The following BICRAL variants were observed in gnomAD, a reference collection of about 807,000 sequenced individuals.
BICRAL encodes BICRA like chromatin remodeling complex associated protein.
Under a neutral mutation model 91.8 loss-of-function variants are expected in BICRAL, and 8 were observed. The observed-to-expected ratio is 0.09, with a 90% CI of 0.05 to 0.16. The LOEUF (loss-of-function observed/expected upper bound fraction) is 0.16, where lower values mean the gene tolerates loss of function less well. BICRAL is among the 10% of genes least tolerant of loss of function. The pLI is 1.00. For synonymous variants in BICRAL, 445 were observed against 491.1 expected (o/e 0.91, Z 1.24); for missense variants, 1,038 against 1,310.9 (o/e 0.79, Z 3.21).
At chr6:42,859,872 C>T (rs911414841) in intron 10 of BICRAL, among the ~76,000 whole-genome samples, 1 of 152,028 alleles carries the variant, frequency 6.6e-6, no homozygotes, top group African/African-American at 2.4e-5. Flanking sequence ...GTCTCCATCT[C>T]CTGACCTCGT....
Position 42,829,167 on chromosome 6 carries a change from T to C in BICRAL, c.834T>C (p.Val278=), listed in dbSNP as rs1369000817. ...NSSSSPVAQP[V]TVPFNSTNFQ... is the part of the protein sequence containing the mutation. ...GTTCCAGTCCAGTAGCACAGCCTGT[T>C]ACCGTTCCATTTAACAGCACAAATT... Residue 278 remains valine, a synonymous_variant, in exon 6 of 13, where the codon GTT becomes GTC. Coordinates refer to ENST00000314073, the MANE Select transcript of BICRAL (RefSeq NM_001393499.1). 6.2e-7 allele frequency: 1 copy of C among 1,614,166 alleles called. No homozygotes were observed.
Position 42,864,755 on chromosome 6 carries a change from G to A in BICRAL, c.2549G>A (p.Ser850Asn). Residue 850 changes from serine to asparagine, a missense_variant, in exon 13 of 13, where the codon AGC becomes AAC. By Grantham distance (46) the Ser-to-Asn change is conservative. Around this residue, in one of 5 missense-constraint regions of BICRAL, gnomAD observed 294 missense variants for 292.6 expected, o/e 1.00. Transcript: ENST00000314073. ...GRSDQHGSKA[S>N]SSLQPPAKAQ... Reference sequence around the variant, plus strand: ...AGTGACCAGCATGGCAGTAAAGCAAGCAGCTCTCTGCAACCGCCAGCCAAG... The same window carrying A: ...AGTGACCAGCATGGCAGTAAAGCAAACAGCTCTCTGCAACCGCCAGCCAAG... 1 of 1,614,174 alleles carries A rather than the reference G, an allele frequency of 6.2e-7. No individual in the cohort carries two copies. Among genetic ancestry groups the A allele is most frequent in the Non-Finnish European group, 8.5e-7 (1 of 1,180,018 alleles).
chr6:42,765,757 G>A lies in BICRAL; in HGVS notation c.-260-16082G>A, dbSNP rs115150758. On this transcript the variant is annotated intron_variant, in intron 1 of 14. Coordinates refer to the BICRAL transcript ENST00000614467. ...GATTCCTGGTGCTCTCTTGTTGGTA[G>A]CTCTACAGGCTGTCAGGGATCAAGG... 8.6e-3 allele frequency among the ~76,000 whole-genome samples: 1,314 copies of A among 152,204 alleles called. 19 individuals are homozygous for A. The highest frequency in any genetic ancestry group is 0.029 in the African/African-American group (1,198 of 41,518).
chr6:42,824,185 C>T (rs1374876681), intron 5 of BICRAL, among the ~76,000 whole-genome samples: 3 of 151,536 alleles, frequency 2.0e-5, no homozygotes, highest in Non-Finnish European at 4.4e-5. Flanking sequence ...GAGCCAAGAT[C>T]GCACCATTAC....
intron 1 of BICRAL, among the ~76,000 whole-genome samples, chr6:42,771,261 C>T (rs1029315875): frequency 6.6e-6 from 1 of 152,238 alleles, no homozygotes; most frequent in Non-Finnish European, 1.5e-5. Flanking sequence ...AAGAGGACCC[C>T]TCCCCCTGCG....
intron 1 of BICRAL, among the ~76,000 whole-genome samples, chr6:42,758,726 AAAG>A (rs1379665165): frequency 1.1e-4 from 17 of 152,042 alleles, no homozygotes; most frequent in Non-Finnish European, 1.9e-4. Flanking sequence ...AAAAAAAAAA[AAAG>A]AAAAAAGAAT....
At chr6:42,855,807 ATTCTTTT>A in intron 8 of BICRAL, 42 bp from the exon 9 acceptor site, 1 of 1,429,706 alleles carries the variant, frequency 7.0e-7, no homozygotes, top group East Asian at 2.3e-5. Flanking sequence ...GTATAACTGT[ATTCTTTT>A]TTCTATAAAA....
chr6:42,760,341 A>G (rs947320483), intron 1 of BICRAL, among the ~76,000 whole-genome samples: 2 of 150,106 alleles, frequency 1.3e-5, no homozygotes, highest in African/African-American at 4.9e-5. Context: ...CAACATGAAG[A>G]AACCCCATCT....
At chr6:42,815,406 G>C (rs563549128) in intron 2 of BICRAL, among the ~76,000 whole-genome samples, 2 of 151,822 alleles carry the variant, frequency 1.3e-5, no homozygotes, top group African/African-American at 4.8e-5. Context: ...TGGCCAGGTT[G>C]GTCTCAAACT....
chr6:42,781,596 G>GT (rs1562457230), upstream of BICRAL, among the ~76,000 whole-genome samples: 56 of 103,490 alleles, frequency 5.4e-4, no homozygotes, highest in African/African-American at 1.7e-3. Context: ...TGGGTGGGTG[G>GT]GTGTGTGTGT....
intron 1 of BICRAL, among the ~76,000 whole-genome samples, chr6:42,798,856 T>C (rs961949744): frequency 6.6e-6 from 1 of 152,230 alleles, no homozygotes; most frequent in Non-Finnish European, 1.5e-5. Context: ...AGCCAGTCAT[T>C]TCTAGAATAT....
chr6:42,816,686 G>T (rs1764003401), intron 2 of BICRAL, among the ~76,000 whole-genome samples: 1 of 151,978 alleles, frequency 6.6e-6, no homozygotes, highest in Non-Finnish European at 1.5e-5. Flanking sequence ...ACATGCATGT[G>T]GCACAAATTT....
intron 10 of BICRAL, among the ~76,000 whole-genome samples, chr6:42,857,911 G>GAC (rs1307320738): frequency 2.1e-5 from 3 of 143,372 alleles, no homozygotes; most frequent in Non-Finnish European, 4.5e-5. Flanking sequence ...AGGTTCAAGT[G>GAC]ACTCTCCCTG....
At chr6:42,784,068 C>T (rs1763029494) in intron 1 of BICRAL, among the ~76,000 whole-genome samples, 1 of 152,164 alleles carries the variant, frequency 6.6e-6, no homozygotes. Flanking sequence ...TAAAACAACC[C>T]TGAGGAGACA....
chr6:42,834,671 T>C (rs1182721003), intron 6 of BICRAL, among the ~76,000 whole-genome samples: 1 of 152,152 alleles, frequency 6.6e-6, no homozygotes, highest in East Asian at 1.9e-4. Flanking sequence ...AAAATAATTA[T>C]ACAATAATTT....
At chr6:42,848,844 A>G (rs1017391531) in intron 6 of BICRAL, among the ~76,000 whole-genome samples, 1 of 152,160 alleles carries the variant, frequency 6.6e-6, no homozygotes, top group Admixed American at 6.5e-5. Flanking sequence ...TGACAAAACA[A>G]TTAATTATAA....
chr6:42,758,802 A>G (rs988347350), intron 1 of BICRAL, among the ~76,000 whole-genome samples: 1 of 151,860 alleles, frequency 6.6e-6, no homozygotes, highest in African/African-American at 2.4e-5. Context: ...TTCTTTCTGC[A>G]GGTATTTATG....
intron 1 of BICRAL, among the ~76,000 whole-genome samples, chr6:42,783,246 C>G (rs1762985111): frequency 6.6e-6 from 1 of 151,886 alleles, no homozygotes; most frequent in Admixed American, 6.6e-5. Context: ...GCGGCCGCGT[C>G]CGGCCGAGCC....
At position 42,822,038 on chromosome 6, in the gene BICRAL, G is replaced by A. The variant is rs1348614480; in HGVS notation, c.16G>A (p.Asp6Asn). Reference protein sequence around the residue: MDDDDDSCLLDLIGDP... With the variant: MDDDDNSCLLDLIGDP... The stretch of plus-strand genomic sequence containing the variant: ...TATAGTTGTCATGGATGATGATGAT[G>A]ACTCGTGTCTCCTTGATCTTATTGG... Residue 6 changes from aspartate to asparagine, a missense_variant, in exon 3 of 13, where the codon GAC (aspartate) becomes AAC (asparagine). Asp to Asn is a conservative substitution (Grantham distance 23). This residue lies in a region of BICRAL where 115 missense variants were observed against 121.5 expected (regional missense o/e 0.95). Transcript: ENST00000314073. 1.9e-6 allele frequency: 3 copies of A among 1,608,016 alleles called. No individual in the cohort carries two copies. In the South Asian group the frequency reaches 3.3e-5, roughly 18 times the overall value.
Sources: allele counts gnomAD v4.1 joint callset (sites outside exome capture counted in the v4.1 genomes callset), GRCh38; gene constraint gnomAD v4.1.1; regional missense constraint gnomAD v4.1.1; transcripts MANE v1.5; gene names NCBI Gene and HGNC (gene_info 2026-07-23, HGNC 2026-07-21).